ELP3: variants seen among roughly 807,000 people sequenced by gnomAD.
ELP3 encodes elongator complex protein 3.
A neutral mutation model predicts 74.9 loss-of-function variants in ELP3; 56 were observed. The observed-to-expected ratio is 0.75, with a 90% CI of 0.60 to 0.93. The LOEUF is 0.93. Ranked by LOEUF, ELP3 falls within the 40% of genes least tolerant of loss-of-function variation. ELP3 has a pLI of 0.00. For synonymous variants in ELP3, 222 were observed against 239.8 expected (o/e 0.93, Z 0.68); for missense variants, 573 against 686.5 (o/e 0.83, Z 1.85).
intron 3 of ELP3, among the ~76,000 whole-genome samples, chr8:28,105,665 C>G (rs954997378): frequency 6.6e-6 from 1 of 152,210 alleles, no homozygotes; most frequent in Non-Finnish European, 1.5e-5. Flanking sequence ...ATTTATCAGT[C>G]TACCATATGT....
At chr8:28,095,905 C>T (rs1161993053) in intron 1 of ELP3, among the ~76,000 whole-genome samples, 3 of 152,320 alleles carry the variant, frequency 2.0e-5, no homozygotes, top group South Asian at 2.1e-4. Context: ...CCCTGGGCCA[C>T]GGACCAGTAC....
intron 7 of ELP3, among the ~76,000 whole-genome samples, chr8:28,120,397 A>G (rs910261189): frequency 6.6e-6 from 1 of 152,206 alleles, no homozygotes; most frequent in Admixed American, 6.5e-5. Context: ...TGAAGTATCT[A>G]TTAAAATCTT....
rs1815438573 is a variant in ELP3 at position 28,190,928 on chromosome 8, G to T, written c.*1203G>T. ...GTAAGAGTTCAAGTTCAACCCGTGTGTGAAAGCAAAACAATGGAAAACAGG... is the reference window on the plus strand; with the variant it reads ...GTAAGAGTTCAAGTTCAACCCGTGTTTGAAAGCAAAACAATGGAAAACAGG... On this transcript the variant is annotated 3_prime_UTR_variant, in exon 15 of 15. Coordinates refer to ENST00000256398, the MANE Select transcript of ELP3 (RefSeq NM_018091.6). 1 of 152,324 alleles carries T rather than the reference G, an allele frequency of 6.6e-6. No individual in the cohort carries two copies. The highest frequency in any genetic ancestry group is 1.9e-4 in the East Asian group (1 of 5,188). The allele number at this position is 152,324 out of a possible 1,614,324, so 9.4% of individuals were successfully genotyped here. A position where few individuals can be genotyped will look rare whatever the true frequency, so the allele number is the denominator to read the frequency against.
At chr8:28,160,701 T>C (rs1394676337) in intron 13 of ELP3, among the ~76,000 whole-genome samples, 1 of 152,088 alleles carries the variant, frequency 6.6e-6, no homozygotes, top group Non-Finnish European at 1.5e-5. Context: ...CCACATGGAA[T>C]TGGTTTTTTT....
intron 14 of ELP3, among the ~76,000 whole-genome samples, chr8:28,186,970 C>A (rs372446997): frequency 1.3e-5 from 2 of 152,184 alleles, no homozygotes; most frequent in Non-Finnish European, 2.9e-5. Flanking sequence ...GAGTCTTCAG[C>A]ATCTTGGCAT....
At chr8:28,178,199 C>T (rs1814840192) in intron 14 of ELP3, among the ~76,000 whole-genome samples, 1 of 152,146 alleles carries the variant, frequency 6.6e-6, no homozygotes, top group Non-Finnish European at 1.5e-5. Flanking sequence ...GGCCTCGTGA[C>T]CTAATTGTCA....
intron 9 of ELP3, among the ~76,000 whole-genome samples, chr8:28,136,652 T>C (rs1813003450): frequency 6.6e-6 from 1 of 152,260 alleles, no homozygotes; most frequent in Non-Finnish European, 1.5e-5. Flanking sequence ...GAAAAGTCTA[T>C]TGTTATATTT....
Position 28,147,963 on chromosome 8 carries a change from A to G in ELP3, c.1101-7979A>G, listed in dbSNP as rs1813494230. ...TCTAATGTCAGCAACAAAATAAATA[A>G]TGTTAATATTAGTTAAAAACTTGTA... is the stretch of plus-strand genomic sequence containing the variant. On this transcript the variant is annotated intron_variant, in intron 10 of 14. Transcript: ENST00000256398. This position sits in a 1 kb window ranked among gnomAD's most constrained non-coding sequence, Gnocchi z 4.5. Among the ~76,000 whole-genome samples, 1 of 152,182 alleles carries G rather than the reference A, an allele frequency of 6.6e-6. No homozygotes were observed. The highest frequency in any genetic ancestry group is 6.5e-5 in the Admixed American group (1 of 15,274).
chr8:28,105,985 A>C (rs1416265896), intron 3 of ELP3, among the ~76,000 whole-genome samples: 4 of 152,222 alleles, frequency 2.6e-5, no homozygotes, highest in Non-Finnish European at 5.9e-5. Flanking sequence ...CAGTGTGTTC[A>C]TGAGGCGTTT....
chr8:28,183,839 G>A (rs543032614), intron 14 of ELP3, among the ~76,000 whole-genome samples: 2 of 152,326 alleles, frequency 1.3e-5, no homozygotes, highest in South Asian at 4.1e-4. Context: ...GCAGGCCATC[G>A]GGTGGAGCAC....
At chr8:28,099,743 T>G in intron 2 of ELP3, 85 bp from the exon 3 acceptor site, 1 of 1,453,614 alleles carries the variant, frequency 6.9e-7, no homozygotes, top group Non-Finnish European at 9.6e-7. Context: ...TGACAGTTGT[T>G]AATGATGTTG....
At chr8:28,140,748 A>G (rs1358503196) in intron 10 of ELP3, among the ~76,000 whole-genome samples, 2 of 152,150 alleles carry the variant, frequency 1.3e-5, no homozygotes, top group African/African-American at 4.8e-5. Context: ...ATGGCCCCCA[A>G]GCATAGTACT....
At chr8:28,155,809 GATTTC>G (rs1727176252) in intron 10 of ELP3, 128 bp from the exon 11 acceptor site, 2 of 630,020 alleles carry the variant, frequency 3.2e-6, no homozygotes, top group Non-Finnish European at 5.4e-6. Context: ...CTTTGCCTCT[GATTTC>G]CTGGTCAGCT....
At chr8:28,157,284 C>T (rs1447984418) in intron 11 of ELP3, among the ~76,000 whole-genome samples, 1 of 50,118 alleles carries the variant, frequency 2.0e-5, no homozygotes, top group African/African-American at 8.0e-5. Context: ...TTAAAAAAAG[C>T]ATGCCAAAAA....
intron 3 of ELP3, among the ~76,000 whole-genome samples, chr8:28,101,415 A>G (rs1299082766): frequency 6.6e-6 from 1 of 152,118 alleles, no homozygotes; most frequent in Non-Finnish European, 1.5e-5. Flanking sequence ...GCGAGACTCC[A>G]TCTCAAAACA....
Position 28,110,249 on chromosome 8 carries a change from C to T in ELP3, c.394-121C>T, listed in dbSNP as rs142603386. The T allele has an allele frequency of 3.1e-4, 254 of 825,828 alleles. 3 individuals carry two copies. The East Asian group carries it at 4.3e-3, about 14-fold the overall frequency. 51.2% of individuals were successfully genotyped at this position (825,828 alleles called of 1,614,324 possible). A position where few individuals can be genotyped will look rare whatever the true frequency, so the allele number is the denominator to read the frequency against. On this transcript the variant is annotated intron_variant, in intron 5 of 14. Coordinates refer to ENST00000256398, the MANE Select transcript of ELP3 (RefSeq NM_018091.6). ...CTGACAAGACTGAGAAAAATTAATG[C>T]GGGTACAAGCCACGTTTTCAGTGTT... is the stretch of plus-strand genomic sequence containing the variant.
At chr8:28,152,784 T>C (rs556809830) in intron 10 of ELP3, among the ~76,000 whole-genome samples, 1 of 152,252 alleles carries the variant, frequency 6.6e-6, no homozygotes, top group Admixed American at 6.5e-5. Flanking sequence ...CCAGCCTGGG[T>C]GACAGAGCGA....
chr8:28,159,970 C>T (rs1461083091), intron 12 of ELP3, among the ~76,000 whole-genome samples: 1 of 152,170 alleles, frequency 6.6e-6, no homozygotes, highest in Non-Finnish European at 1.5e-5. Context: ...AGCTGGATCT[C>T]TGTAAGAGTC....
At chr8:28,129,781 CT>C in intron 8 of ELP3, 118 bp downstream of exon 8, 3 of 1,151,934 alleles carry the variant, frequency 2.6e-6, no homozygotes, top group Non-Finnish European at 3.7e-6. Flanking sequence ...ATGGGTATTC[CT>C]CCTTTTCAGA....
Sources: gnomAD v4.1 joint callset for allele counts (sites outside exome capture counted in the v4.1 genomes callset) on GRCh38, gnomAD v4.1.1 for gene constraint, Gnocchi (gnomAD v3.1) non-coding constraint, MANE v1.5 for transcripts, NCBI Gene and HGNC (gene_info 2026-07-23, HGNC 2026-07-21) for gene names.